The following PLCE1 variants were observed in gnomAD, a reference collection of about 807,000 sequenced individuals.
The protein encoded by PLCE1 is phospholipase C epsilon 1.
A neutral mutation model predicts 242.8 loss-of-function variants in PLCE1; 119 were observed. The ratio of observed to expected loss-of-function variants is 0.49; its 90% confidence interval spans 0.42 to 0.57. The LOEUF (loss-of-function observed/expected upper bound fraction) is 0.57. PLCE1 is among the 20% of genes least tolerant of loss of function. The pLI is 0.00. For synonymous variants in PLCE1, 945 were observed against 1,017.4 expected, an observed-to-expected ratio of 0.93 and a Z score of 1.35; for missense variants, 2,441 against 2,788.8, an observed-to-expected ratio of 0.88 and a Z score of 2.81.
chr10:94,158,659 T>C (rs1297179419), intron 3 of PLCE1, among the ~76,000 whole-genome samples: 2 of 152,162 alleles, frequency 1.3e-5, no homozygotes, highest in South Asian at 4.1e-4. Flanking sequence ...AAATCTAATA[T>C]TCAAAGAATA....
intron 5 of PLCE1, among the ~76,000 whole-genome samples, chr10:94,231,930 C>A (rs2050159812): frequency 6.6e-6 from 1 of 152,194 alleles, no homozygotes; most frequent in African/African-American, 2.4e-5. Flanking sequence ...AGGCCATGAG[C>A]CAGTACTGGT....
Position 94,038,210 on chromosome 10 carries a change from T to A in PLCE1, c.1206+5958T>A, listed in dbSNP as rs116222711. 9.5e-3 allele frequency among the ~76,000 whole-genome samples: 1,451 copies of A among 152,222 alleles called. 18 individuals are homozygous for A. The highest frequency in any genetic ancestry group is 0.032 in the African/African-American group (1,325 of 41,540). On this transcript the variant is annotated intron_variant, in intron 2 of 32. Coordinates refer to ENST00000371380, the MANE Select transcript of PLCE1 (RefSeq NM_016341.4). ...GGGGTTAGAGAGGAGGTTTCCACCC[T>A]GTTGATCAAATGATTCAGCATTCAA...
At chr10:94,193,187 G>A (rs1321256212) in intron 4 of PLCE1, among the ~76,000 whole-genome samples, 1 of 152,200 alleles carries the variant, frequency 6.6e-6, no homozygotes, top group Non-Finnish European at 1.5e-5. Flanking sequence ...GTTCTGTGAG[G>A]AAGAAAAGTT....
At chr10:94,207,902 G>A (rs1454066211) in intron 4 of PLCE1, among the ~76,000 whole-genome samples, 2 of 152,038 alleles carry the variant, frequency 1.3e-5, no homozygotes, top group African/African-American at 2.4e-5. Flanking sequence ...ATTTGACTAC[G>A]CCAATTTAAA....
At chr10:94,220,099 G>C (rs2049671784) in intron 4 of PLCE1, among the ~76,000 whole-genome samples, 1 of 151,850 alleles carries the variant, frequency 6.6e-6, no homozygotes, top group South Asian at 2.1e-4. Context: ...TCAGAACTGA[G>C]ATCCTGGCAT....
chr10:94,267,024 T>C (rs1169513990), intron 16 of PLCE1, among the ~76,000 whole-genome samples: 1 of 152,174 alleles, frequency 6.6e-6, no homozygotes. Context: ...GTACTACTCC[T>C]CTACACACTA....
At chr10:94,152,096 G>A (rs965417904) in intron 3 of PLCE1, among the ~76,000 whole-genome samples, 3 of 152,212 alleles carry the variant, frequency 2.0e-5, no homozygotes, top group Non-Finnish European at 4.4e-5. Context: ...CTGGATGTTG[G>A]CCTAGGCAAA....
At position 94,139,326 on chromosome 10, in the gene PLCE1, T is replaced by A. The variant is rs79074929; in HGVS notation, c.1492+6867T>A. On this transcript the variant is annotated intron_variant, in intron 3 of 32. Transcript: ENST00000371380. The stretch of plus-strand genomic sequence containing the variant: ...ACAACAAATTGCCTGTGAGGATGAA[T>A]TCTCCGACTCTGATGAAGAGGGAAA... The A allele has an allele frequency of 5.4e-3, 856 of 158,786 alleles. 14 individuals carry two copies. Among genetic ancestry groups the A allele is most frequent in the African/African-American group, 0.02 (815 of 41,570 alleles). 9.8% of individuals were successfully genotyped at this position (158,786 alleles called of 1,614,324 possible).
chr10:94,254,861 C>T, intron 10 of PLCE1, 32 bp from the exon 11 acceptor site: 3 of 1,610,582 alleles, frequency 1.9e-6, no homozygotes, highest in Non-Finnish European at 8.5e-7. Context: ...TAATCTGAGT[C>T]ATTCTCTCTT....
At chr10:94,281,408 A>G (rs761945713) in intron 20 of PLCE1, among the ~76,000 whole-genome samples, 2 of 152,176 alleles carry the variant, frequency 1.3e-5, no homozygotes, top group Non-Finnish European at 2.9e-5. Flanking sequence ...ATTATTATAG[A>G]TGGTTTTGAT....
At chr10:94,084,939 T>A (rs896804186) in intron 2 of PLCE1, among the ~76,000 whole-genome samples, 1 of 152,154 alleles carries the variant, frequency 6.6e-6, no homozygotes, top group African/African-American at 2.4e-5. Context: ...ATTTGTGGCA[T>A]TAAACAGGAA....
chr10:94,201,231 A>G (rs2689704), intron 4 of PLCE1, among the ~76,000 whole-genome samples: 41,705 of 152,086 alleles, frequency 0.27, 7,142 homozygotes, highest in Non-Finnish European at 0.39. Flanking sequence ...AAAATATTCC[A>G]GTTGCTCCAC....
At chr10:94,077,641 A>G (rs1190980905) in intron 2 of PLCE1, among the ~76,000 whole-genome samples, 2 of 152,178 alleles carry the variant, frequency 1.3e-5, no homozygotes, top group Non-Finnish European at 2.9e-5. Context: ...GATGGCATGC[A>G]TCTGTAGTAC....
chr10:94,007,613 G>T (rs1589844872), intron 1 of PLCE1, among the ~76,000 whole-genome samples: 1 of 114,862 alleles, frequency 8.7e-6, no homozygotes. Context: ...GGTGTTTCCA[G>T]AAGAGTGAAT....
chr10:94,280,741 G>T (rs2052177666), intron 20 of PLCE1: 1 of 152,164 alleles, frequency 6.6e-6, no homozygotes, highest in Non-Finnish European at 1.5e-5. Context: ...TAAATATGCA[G>T]ATATGCCCAG....
At chr10:94,163,049 A>G (rs1284225354) in intron 3 of PLCE1, among the ~76,000 whole-genome samples, 1 of 152,144 alleles carries the variant, frequency 6.6e-6, no homozygotes, top group Non-Finnish European at 1.5e-5. Flanking sequence ...GTTCTTTTAC[A>G]TTTGCTGAGG....
intron 2 of PLCE1, among the ~76,000 whole-genome samples, chr10:94,057,742 G>C (rs530728764): frequency 1.3e-5 from 2 of 152,268 alleles, no homozygotes; most frequent in African/African-American, 4.8e-5. Context: ...TATCATCTCA[G>C]TTTCTGTAGA....
intron 1 of PLCE1, among the ~76,000 whole-genome samples, chr10:94,010,324 A>C (rs968653552): frequency 6.6e-6 from 1 of 152,158 alleles, no homozygotes; most frequent in Non-Finnish European, 1.5e-5. Context: ...CTCTGAAACC[A>C]TTCTTTCCTC....
chr10:94,303,851 C>T lies in PLCE1; in HGVS notation c.5459-631C>T, dbSNP rs545381272. Among the ~76,000 whole-genome samples, 3 of 152,098 alleles carry T rather than the reference C, an allele frequency of 2.0e-5. No individual in the cohort carries two copies. The East Asian group carries it at 5.8e-4, about 29-fold the overall frequency. ...CGCATCTGCACTGAACATATAACAG[C>T]CTTGTCTCCTTGTTATTTTTCCCTA... On this transcript the variant is annotated intron_variant, in intron 24 of 32. Transcript: ENST00000371380.
Sources: allele counts gnomAD v4.1 joint callset (sites outside exome capture counted in the v4.1 genomes callset), GRCh38; gene constraint gnomAD v4.1.1; transcripts MANE v1.5; gene names NCBI Gene and HGNC (gene_info 2026-07-23, HGNC 2026-07-21).